Variants in ENTREP2 observed in about 807,000 individuals in gnomAD.
ENTREP2 encodes the protein protein ENTREP2.
At chr15:29,580,160 C>G in the ENTREP2 span, among the ~76,000 whole-genome samples, 2 of 152,080 alleles carry the variant, frequency 1.3e-5, no homozygotes, top group African/African-American at 4.8e-5. Flanking sequence ...CCTTTGGTTT[C>G]TAAGCTTCTG....
chr15:29,386,764 G>GCA, the ENTREP2 span, among the ~76,000 whole-genome samples: 2 of 152,112 alleles, frequency 1.3e-5, no homozygotes, highest in African/African-American at 4.8e-5. Context: ...CACGCTCTCC[G>GCA]CACACACACA....
the ENTREP2 span, among the ~76,000 whole-genome samples, chr15:29,222,518 C>T: frequency 4.3e-4 from 66 of 152,270 alleles, no homozygotes; most frequent in African/African-American, 1.5e-3. Flanking sequence ...TGGATTGGGA[C>T]CCCTTTTCGG....
chr15:29,154,796 A>G, the ENTREP2 span, among the ~76,000 whole-genome samples: 1 of 152,234 alleles, frequency 6.6e-6, no homozygotes, highest in African/African-American at 2.4e-5. Context: ...TTCTCCTACA[A>G]ACATCACTGC....
At chr15:29,517,465 G>C in the ENTREP2 span, among the ~76,000 whole-genome samples, 3 of 152,002 alleles carry the variant, frequency 2.0e-5, no homozygotes, top group Admixed American at 6.5e-5. Flanking sequence ...ACCGTTCTTT[G>C]AAATTAGGTA....
chr15:29,225,579 T>G, the ENTREP2 span, among the ~76,000 whole-genome samples: 1 of 152,126 alleles, frequency 6.6e-6, no homozygotes, highest in Admixed American at 6.5e-5. Flanking sequence ...GCTCACCAAG[T>G]GCCCCAGTCA....
chr15:29,591,912 T>A, the ENTREP2 span, among the ~76,000 whole-genome samples: 3 of 144,906 alleles, frequency 2.1e-5, no homozygotes, highest in African/African-American at 7.9e-5. Flanking sequence ...AAAACACAGA[T>A]GTTTCTACAA....
the ENTREP2 span, among the ~76,000 whole-genome samples, chr15:29,148,297 T>A: frequency 5.9e-5 from 9 of 152,294 alleles, no homozygotes; most frequent in Non-Finnish European, 1.0e-4. Flanking sequence ...GTGAATTGTA[T>A]CTCAAGACAG....
chr15:29,620,375 C>T, the ENTREP2 span, among the ~76,000 whole-genome samples: 1 of 152,036 alleles, frequency 6.6e-6, no homozygotes, highest in Non-Finnish European at 1.5e-5. Flanking sequence ...AGGAGGTGGG[C>T]CGGCAGGTCA....
the ENTREP2 span, among the ~76,000 whole-genome samples, chr15:29,450,231 T>C: frequency 1.3e-5 from 2 of 152,224 alleles, no homozygotes; most frequent in Admixed American, 6.5e-5. Context: ...TTCTTTTCTG[T>C]GCAGAAGCTC....
the ENTREP2 span, among the ~76,000 whole-genome samples, chr15:29,514,676 T>G: frequency 1.3e-5 from 2 of 152,200 alleles, no homozygotes; most frequent in East Asian, 3.8e-4. Flanking sequence ...CCTGGCACTA[T>G]TTCATCAGTA....
the ENTREP2 span, chr15:29,117,717 A>T: frequency 1.3e-5 from 2 of 153,580 alleles, no homozygotes; most frequent in Admixed American, 6.3e-5. Flanking sequence ...CAACATGAAA[A>T]CTCCATATTT....
At chr15:29,622,656 G>A in the ENTREP2 span, among the ~76,000 whole-genome samples, 1 of 152,166 alleles carries the variant, frequency 6.6e-6, no homozygotes, top group South Asian at 2.1e-4. Flanking sequence ...ACTGGAGCAG[G>A]TGAGAGGGGA....
the ENTREP2 span, among the ~76,000 whole-genome samples, chr15:29,253,442 GTC>G: frequency 7.4e-6 from 1 of 135,492 alleles, no homozygotes; most frequent in Non-Finnish European, 1.6e-5. Context: ...GGCAAATATT[GTC>G]TCTCTCTCTT....
chr15:29,210,657 T>C, the ENTREP2 span, among the ~76,000 whole-genome samples: 7 of 152,020 alleles, frequency 4.6e-5, no homozygotes, highest in African/African-American at 1.4e-4. Context: ...CATGGAAAAA[T>C]TGTCTTCCAC....
the ENTREP2 span, among the ~76,000 whole-genome samples, chr15:29,320,368 T>C: frequency 6.6e-6 from 1 of 152,170 alleles, no homozygotes; most frequent in Non-Finnish European, 1.5e-5. Context: ...CACCTACAGC[T>C]ACAGCAAATA....
the ENTREP2 span, among the ~76,000 whole-genome samples, chr15:29,355,202 G>C: frequency 6.6e-6 from 1 of 152,118 alleles, no homozygotes; most frequent in African/African-American, 2.4e-5. Context: ...GCTATGGCTA[G>C]CCCTGACAGC....
the ENTREP2 span, among the ~76,000 whole-genome samples, chr15:29,654,274 A>C: frequency 1.3e-5 from 2 of 152,196 alleles, no homozygotes; most frequent in Non-Finnish European, 2.9e-5. Flanking sequence ...CATATCATGG[A>C]AAATTTCATC....
chr15:29,320,543 C>T, the ENTREP2 span, among the ~76,000 whole-genome samples: 1 of 152,080 alleles, frequency 6.6e-6, no homozygotes, highest in African/African-American at 2.4e-5. Context: ...GCAACAGAAC[C>T]AGACTGAGAC....
the ENTREP2 span, among the ~76,000 whole-genome samples, chr15:29,174,702 C>CAAAAAAAA: frequency 4.1e-4 from 47 of 115,922 alleles, no homozygotes; most frequent in African/African-American, 1.6e-3. Context: ...CAAAACAAAA[C>CAAAAAAAA]AAAACAACAA....
Sources: gnomAD v4.1 joint callset for allele counts (sites outside exome capture counted in the v4.1 genomes callset) on GRCh38, gnomAD v4.1.1 for gene constraint, MANE v1.5 for transcripts, NCBI Gene and HGNC (gene_info 2026-07-23, HGNC 2026-07-21) for gene names.